The following CDH12 variants were observed in gnomAD, a reference collection of about 807,000 sequenced individuals.
CDH12 encodes cadherin-12.
A neutral mutation model predicts 74.1 loss-of-function variants in CDH12; 41 were observed. That is an observed-to-expected ratio of 0.55 (90% confidence interval 0.43 to 0.72). The LOEUF (loss-of-function observed/expected upper bound fraction) is 0.72, where lower values mean the gene tolerates loss of function less well. CDH12 is among the 30% of genes least tolerant of loss of function. The pLI is 0.00. For synonymous variants in CDH12, 399 were observed against 355.0 expected, an observed-to-expected ratio of 1.12 and a Z score of -1.39; for missense variants, 945 against 977.2, an observed-to-expected ratio of 0.97 and a Z score of 0.44.
chr5:22,036,758 CCCTA>C lies in CDH12; in HGVS notation c.231+41684_231+41687del, dbSNP rs1282716907. 2.6e-5 allele frequency among the ~76,000 whole-genome samples: 4 copies of C among 152,110 alleles called. 1 individual carries two copies. Among genetic ancestry groups the C allele is most frequent in the Admixed American group, 2.6e-4 (4 of 15,282 alleles). Reference sequence around the variant, plus strand: ...TCAAGGTTTAATTGGTGTTTTAAGACCCTATAAAGATTTCATATGAAAATATTTT... The same window carrying C: ...TCAAGGTTTAATTGGTGTTTTAAGACTAAAGATTTCATATGAAAATATTTT... On this transcript the variant is annotated intron_variant, in intron 5 of 14. Transcript: ENST00000382254.
At position 21,751,620 on chromosome 5, in the gene CDH12, G is replaced by GTGTGTGTGTT. The variant is rs1561149583; in HGVS notation, c.*116_*117insAACACACACA. The GTGTGTGTGTT allele has an allele frequency of 2.8e-4, 192 of 687,148 alleles. No individual in the cohort carries two copies. Among genetic ancestry groups the GTGTGTGTGTT allele is most frequent in the East Asian group, 4.2e-4 (16 of 38,058 alleles). 42.6% of individuals were successfully genotyped at this position (687,148 alleles called of 1,614,324 possible). On this transcript the variant is annotated 3_prime_UTR_variant, in exon 15 of 15. Coordinates refer to ENST00000382254, the MANE Select transcript of CDH12 (RefSeq NM_004061.5). ...GAATCTTGTCCCAGAGTGTGTGTGTGTGTGTGTGTGTTTGTGTGTGTGTGT... is the reference window on the plus strand; with the variant it reads ...GAATCTTGTCCCAGAGTGTGTGTGTGTGTGTGTGTTTGTGTGTGTGTTTGTGTGTGTGTGT...
chr5:21,753,733 T>G (rs73053201), intron 14 of CDH12, among the ~76,000 whole-genome samples: 5,335 of 152,242 alleles, frequency 0.035, 114 homozygotes, highest in Middle Eastern at 0.071. Context: ...CCTAGAATAG[T>G]GCTGGTGCTC....
At chr5:22,132,172 T>C (rs893583358) in intron 4 of CDH12, among the ~76,000 whole-genome samples, 25 of 151,780 alleles carry the variant, frequency 1.6e-4, no homozygotes, top group African/African-American at 5.6e-4. Flanking sequence ...AAGGCCTTGA[T>C]TGGAAGTGCT....
At chr5:22,336,593 CA>C (rs1195146944) in intron 3 of CDH12, among the ~76,000 whole-genome samples, 2 of 152,190 alleles carry the variant, frequency 1.3e-5, no homozygotes. Context: ...GCCATGGCTT[CA>C]GAGGGTGCAA....
intron 3 of CDH12, among the ~76,000 whole-genome samples, chr5:22,343,321 C>CAGAGAGAGAG (rs1283582617): frequency 8.1e-6 from 1 of 124,212 alleles, no homozygotes; most frequent in African/African-American, 3.7e-5. Context: ...CAGACACACA[C>CAGAGAGAGAG]ACAGAGAGAG....
At chr5:22,555,287 G>T (rs1439686501) in intron 1 of CDH12, among the ~76,000 whole-genome samples, 1 of 151,934 alleles carries the variant, frequency 6.6e-6, no homozygotes, top group East Asian at 1.9e-4. Context: ...GAAAAGCCAT[G>T]AATTTTCTTA....
intron 4 of CDH12, among the ~76,000 whole-genome samples, chr5:22,145,337 T>C (rs1030780898): frequency 5.3e-5 from 8 of 152,114 alleles, no homozygotes; most frequent in Admixed American, 3.3e-4. Flanking sequence ...TATCACATGA[T>C]ACCTTTTTAT....
intron 1 of CDH12, among the ~76,000 whole-genome samples, chr5:22,815,496 G>T (rs1295157466): frequency 1.3e-5 from 2 of 152,134 alleles, no homozygotes; most frequent in African/African-American, 2.4e-5. Context: ...TGGACCGGGC[G>T]CAGTGGCTCA....
intron 4 of CDH12, among the ~76,000 whole-genome samples, chr5:22,171,095 T>C (rs1477904004): frequency 6.6e-6 from 1 of 151,894 alleles, no homozygotes; most frequent in Non-Finnish European, 1.5e-5. Context: ...CAAGAATATC[T>C]AGTCCAAGAA....
At chr5:22,592,213 C>A (rs1440326061) in intron 1 of CDH12, among the ~76,000 whole-genome samples, 8 of 152,166 alleles carry the variant, frequency 5.3e-5, no homozygotes, top group African/African-American at 1.9e-4. Flanking sequence ...TCATCTGGGC[C>A]TTTTTCTCTT....
rs187719973 is a variant in CDH12 at position 22,013,898 on chromosome 5, T to C, written c.232-38513A>G. Among the ~76,000 whole-genome samples, 1,056 of 152,246 alleles carry C rather than the reference T, an allele frequency of 6.9e-3. 17 individuals are homozygous for C. The highest frequency in any genetic ancestry group is 0.06 in the South Asian group (291 of 4,824). ...TAATGAAGTAAGAAAAGAAAAGGGA[T>C]TCTACATCTTGAGTGAGAAATTGCC... On this transcript the variant is annotated intron_variant, in intron 5 of 14. Transcript: ENST00000382254.
chr5:22,185,395 C>T (rs1211386393), intron 4 of CDH12, among the ~76,000 whole-genome samples: 1 of 152,006 alleles, frequency 6.6e-6, no homozygotes, highest in Non-Finnish European at 1.5e-5. Flanking sequence ...AGACAGGTTT[C>T]ACCATGTTGG....
intron 5 of CDH12, among the ~76,000 whole-genome samples, chr5:22,005,173 T>C (rs1736867895): frequency 6.6e-6 from 1 of 152,156 alleles, no homozygotes; most frequent in Non-Finnish European, 1.5e-5. Flanking sequence ...CCTGGGTAGC[T>C]GGGATTACAG....
At chr5:21,988,954 CG>C (rs1261030623) in intron 5 of CDH12, among the ~76,000 whole-genome samples, 1 of 152,040 alleles carries the variant, frequency 6.6e-6, no homozygotes, top group Non-Finnish European at 1.5e-5. Flanking sequence ...TTAGGAGAAA[CG>C]TAAGAATCCT....
At chr5:21,803,921 C>A (rs528267191) in intron 9 of CDH12, among the ~76,000 whole-genome samples, 37 of 152,202 alleles carry the variant, frequency 2.4e-4, no homozygotes, top group African/African-American at 8.4e-4. Flanking sequence ...ACTTTTAAAT[C>A]TTCGAAAACT....
intron 1 of CDH12, among the ~76,000 whole-genome samples, chr5:22,791,342 A>G (rs775775330): frequency 2.8e-4 from 42 of 152,342 alleles, no homozygotes; most frequent in Middle Eastern, 6.8e-3. Context: ...TTTCGCAGAT[A>G]TAAAACAAAA....
intron 1 of CDH12, among the ~76,000 whole-genome samples, chr5:22,832,410 A>G (rs1314207523): frequency 1.3e-5 from 2 of 152,162 alleles, no homozygotes; most frequent in African/African-American, 4.8e-5. Context: ...GAAGTTTAAG[A>G]AATTGGCCAC....
chr5:22,626,671 C>A (rs943640244), intron 1 of CDH12, among the ~76,000 whole-genome samples: 1 of 152,140 alleles, frequency 6.6e-6, no homozygotes, highest in Non-Finnish European at 1.5e-5. Context: ...AGAACTCTGG[C>A]AACTCAAAAA....
intron 2 of CDH12, among the ~76,000 whole-genome samples, chr5:22,463,183 C>G (rs1029651750): frequency 7.9e-5 from 12 of 152,088 alleles, no homozygotes; most frequent in Admixed American, 7.9e-4. Flanking sequence ...TATTAACCAA[C>G]ACTGTCAACA....
Sources: allele counts gnomAD v4.1 joint callset (sites outside exome capture counted in the v4.1 genomes callset), GRCh38; gene constraint gnomAD v4.1.1; transcripts MANE v1.5; gene names NCBI Gene and HGNC (gene_info 2026-07-23, HGNC 2026-07-21).